SEL1L3: variants seen among roughly 807,000 people sequenced by gnomAD.
SEL1L3 encodes SEL1L family member 3.
In SEL1L3, 76 loss-of-function variants were observed where a neutral mutation model predicts 142.8. The ratio of observed to expected loss-of-function variants is 0.53; its 90% CI spans 0.44 to 0.64. The LOEUF is 0.64. SEL1L3 is among the 30% of genes least tolerant of loss of function. SEL1L3 has a pLI of 0.00. For synonymous variants in SEL1L3, 504 were observed against 519.6 expected (o/e 0.97, Z 0.41); for missense variants, 1,262 against 1,381.7 (o/e 0.91, Z 1.37).
At chr4:25,827,142 A>G (rs1003524839) in intron 6 of SEL1L3, among the ~76,000 whole-genome samples, 2 of 152,162 alleles carry the variant, frequency 1.3e-5, no homozygotes, top group Non-Finnish European at 2.9e-5. Flanking sequence ...TTTGATTTTT[A>G]AAAACATCAT....
chr4:25,774,750 C>T (rs1719486663), intron 17 of SEL1L3, among the ~76,000 whole-genome samples: 1 of 152,162 alleles, frequency 6.6e-6, no homozygotes, highest in Non-Finnish European at 1.5e-5. Context: ...CCCAGCTACT[C>T]AGGAGAATTG....
intron 1 of SEL1L3, among the ~76,000 whole-genome samples, chr4:25,853,540 A>G (rs1202945808): frequency 6.6e-6 from 1 of 151,648 alleles, no homozygotes; most frequent in African/African-American, 2.4e-5. Context: ...CCCTTTGTAT[A>G]AAAAAAAGGG....
At chr4:25,722,533 C>A in the SEL1L3 span, among the ~76,000 whole-genome samples, 1 of 151,876 alleles carries the variant, frequency 6.6e-6, no homozygotes, top group Non-Finnish European at 1.5e-5. Context: ...TAACCAGGTC[C>A]ACACACATCT....
chr4:25,803,606 A>G (rs772098983), intron 10 of SEL1L3, among the ~76,000 whole-genome samples: 5 of 152,156 alleles, frequency 3.3e-5, no homozygotes, highest in Non-Finnish European at 7.4e-5. Flanking sequence ...GATGAGATGA[A>G]TATTTGAACT....
At chr4:25,848,297 G>A (rs1265301138) in intron 1 of SEL1L3, among the ~76,000 whole-genome samples, 1 of 152,208 alleles carries the variant, frequency 6.6e-6, no homozygotes, top group East Asian at 1.9e-4. Context: ...ATCAAAGGGT[G>A]GCAGAAAAGT....
the SEL1L3 span, among the ~76,000 whole-genome samples, chr4:25,721,522 G>A: frequency 1.3e-5 from 2 of 152,140 alleles, no homozygotes; most frequent in African/African-American, 4.8e-5. Context: ...TACTTTCTCT[G>A]TGTCAGCATT....
the SEL1L3 span, among the ~76,000 whole-genome samples, chr4:25,714,383 C>T: frequency 6.6e-6 from 1 of 152,116 alleles, no homozygotes; most frequent in Non-Finnish European, 1.5e-5. Flanking sequence ...ATTTCATCAT[C>T]TCCAAAAGTG....
chr4:25,846,912 C>CAAAAAA (rs71184268), intron 2 of SEL1L3, among the ~76,000 whole-genome samples: 2 of 71,794 alleles, frequency 2.8e-5, no homozygotes, highest in South Asian at 6.5e-4. Flanking sequence ...GACTCCATCT[C>CAAAAAA]AAAAAAAAAA....
intron 3 of SEL1L3, 67 bp downstream of exon 3, chr4:25,835,129 TA>T: frequency 6.4e-7 from 1 of 1,564,406 alleles, no homozygotes; most frequent in South Asian, 1.2e-5. Flanking sequence ...ATTCTTCCAC[TA>T]GCCTGCTCTG....
At chr4:25,782,976 C>G (rs925004555) in intron 14 of SEL1L3, among the ~76,000 whole-genome samples, 4 of 152,290 alleles carry the variant, frequency 2.6e-5, no homozygotes, top group African/African-American at 9.6e-5. Context: ...AAGGGGATGG[C>G]AGCGAAGAAT....
intron 9 of SEL1L3, among the ~76,000 whole-genome samples, chr4:25,805,759 G>A (rs1308498022): frequency 2.6e-5 from 4 of 152,092 alleles, no homozygotes; most frequent in African/African-American, 9.7e-5. Flanking sequence ...TTATGTGCAA[G>A]GCACTATGCT....
intron 20 of SEL1L3, 84 bp from the exon 21 acceptor site, chr4:25,759,152 C>T (rs999972184): frequency 6.8e-7 from 1 of 1,474,102 alleles, no homozygotes; most frequent in South Asian, 1.4e-5. Flanking sequence ...TAAATGTTTA[C>T]AACCTCTAAA....
chr4:25,722,803 G>C, the SEL1L3 span, among the ~76,000 whole-genome samples: 67 of 151,880 alleles, frequency 4.4e-4, 1 homozygote, highest in Non-Finnish European at 8.2e-4. Context: ...TCAGAGCTGT[G>C]GGCACACAGG....
At chr4:25,780,309 C>T (rs1719908858) in intron 15 of SEL1L3, among the ~76,000 whole-genome samples, 1 of 152,200 alleles carries the variant, frequency 6.6e-6, no homozygotes, top group Non-Finnish European at 1.5e-5. Context: ...GAACCCCCTG[C>T]TCCTGTCCAT....
chr4:25,830,150 C>T lies in SEL1L3; in HGVS notation c.1105G>A (p.Val369Ile). 1.9e-6 allele frequency: 3 copies of T among 1,603,732 alleles called. No individual in the cohort carries two copies. The highest frequency in any genetic ancestry group is 1.7e-6 in the Non-Finnish European group (2 of 1,170,844). ...AAATCCTGTCCAATGCTAGTGGTTA[C>T]TACTATCTATGATGGGAGGGATACA... ...DISFNGGQIV[V>I]TTSIGQDLKS... The change falls in exon 6 of 24, where the codon GTA becomes ATA. Residue 369 changes from valine to isoleucine, a missense_variant. By Grantham distance (29) the Val-to-Ile change is conservative. Around this residue, in one of 3 missense-constraint regions of SEL1L3, gnomAD observed 689 missense variants for 692.8 expected, o/e 0.99. Transcript: ENST00000399878.
At chr4:25,858,068 G>A (rs1717387822) in intron 1 of SEL1L3, among the ~76,000 whole-genome samples, 1 of 152,238 alleles carries the variant, frequency 6.6e-6, no homozygotes. Context: ...CAGGGGAATG[G>A]CATGAGCCAT....
At position 25,819,852 on chromosome 4, in the gene SEL1L3, A is replaced by T; in HGVS notation, c.1379T>A (p.Val460Glu). ...RCAEVQEIVS[V>E]YASAAKHGGE... is the part of the protein sequence containing the mutation. ...CCCGTGCTTTGCTGCAGATGCATACACAGATACTATTTCTTGAACCTCAGC... is the reference window on the plus strand; with the variant it reads ...CCCGTGCTTTGCTGCAGATGCATACTCAGATACTATTTCTTGAACCTCAGC... Residue 460 changes from valine (V) to glutamate (E), a missense_variant, in exon 8 of 24, where the codon GTG (valine) becomes GAG (glutamate). Around this residue, in one of 3 missense-constraint regions of SEL1L3, gnomAD observed 689 missense variants for 692.8 expected, o/e 0.99. Coordinates refer to ENST00000399878, the MANE Select transcript of SEL1L3 (RefSeq NM_015187.5). The T allele has an allele frequency of 6.2e-7, 1 of 1,613,660 alleles. No individual in the cohort carries two copies. The highest frequency in any genetic ancestry group is 8.5e-7 in the Non-Finnish European group (1 of 1,179,760).
At chr4:25,772,044 A>T (rs560255452) in intron 17 of SEL1L3, among the ~76,000 whole-genome samples, 4 of 152,200 alleles carry the variant, frequency 2.6e-5, no homozygotes. Flanking sequence ...AAAATGAAAA[A>T]AGGGGAGGGA....
chr4:25,852,023 A>G (rs1048711603), intron 1 of SEL1L3, among the ~76,000 whole-genome samples: 1 of 152,120 alleles, frequency 6.6e-6, no homozygotes, highest in African/African-American at 2.4e-5. Flanking sequence ...AGAAGGGGGT[A>G]CAATGCAAAC....
Sources: allele counts gnomAD v4.1 joint callset (sites outside exome capture counted in the v4.1 genomes callset), GRCh38; gene constraint gnomAD v4.1.1; regional missense constraint gnomAD v4.1.1; transcripts MANE v1.5; gene names NCBI Gene and HGNC (gene_info 2026-07-23, HGNC 2026-07-21).